CDK6: variants seen among roughly 807,000 people sequenced by gnomAD.
CDK6 encodes cyclin-dependent kinase 6.
Under a neutral mutation model 37.1 loss-of-function variants are expected in CDK6, and 6 were observed. That is an observed-to-expected ratio of 0.16 (90% CI 0.09 to 0.32). The LOEUF (loss-of-function observed/expected upper bound fraction) is 0.32. CDK6 is among the 10% of genes least tolerant of loss of function. The probability of loss-of-function intolerance (pLI) is 1.00; values close to 1 mark genes in which losing one functional copy is unlikely to be tolerated. For synonymous variants in CDK6, 160 were observed against 161.3 expected (o/e 0.99, Z 0.06); for missense variants, 224 against 418.9 (o/e 0.53, Z 4.06).
intron 4 of CDK6, among the ~76,000 whole-genome samples, chr7:92,709,895 T>C (rs1203237588): frequency 6.6e-6 from 1 of 152,194 alleles, no homozygotes; most frequent in African/African-American, 2.4e-5. Flanking sequence ...GCAATCATTC[T>C]TAGTCTAATC....
At chr7:92,696,895 C>T (rs892097026) in intron 4 of CDK6, among the ~76,000 whole-genome samples, 2 of 151,918 alleles carry the variant, frequency 1.3e-5, no homozygotes, top group Non-Finnish European at 2.9e-5. Flanking sequence ...AAAATTTAAC[C>T]GATTCGCAAA....
chr7:92,642,395 G>A (rs1385987496), intron 5 of CDK6, among the ~76,000 whole-genome samples: 1 of 152,132 alleles, frequency 6.6e-6, no homozygotes, highest in African/African-American at 2.4e-5. Context: ...ATTTGGCCAT[G>A]CCGCCCAGCC....
At chr7:92,681,736 C>G (rs920590732) in intron 4 of CDK6, among the ~76,000 whole-genome samples, 1 of 152,158 alleles carries the variant, frequency 6.6e-6, no homozygotes, top group African/African-American at 2.4e-5. Context: ...CTGCCTTTGT[C>G]TCTTTTAAAT....
intron 2 of CDK6, among the ~76,000 whole-genome samples, chr7:92,779,166 C>T (rs1799924893): frequency 6.6e-6 from 1 of 151,994 alleles, no homozygotes. Flanking sequence ...TAACATCTAA[C>T]CCACCCAAGT....
At chr7:92,737,560 G>A (rs1798817227) in intron 3 of CDK6, among the ~76,000 whole-genome samples, 1 of 152,016 alleles carries the variant, frequency 6.6e-6, no homozygotes, top group South Asian at 2.1e-4. Flanking sequence ...GATAATAACC[G>A]GATACTATAA....
Position 92,606,636 on chromosome 7 carries a change from GATT to G in CDK6, c.*8501_*8503del, listed in dbSNP as rs1477035069. 7.4e-6 allele frequency: 1 copy of G among 135,472 alleles called. No homozygotes were observed. The highest frequency in any genetic ancestry group is 7.4e-5 in the African/African-American group (1 of 13,574). The allele number at this position is 135,472 out of a possible 1,614,324, so 8.4% of individuals were successfully genotyped here. On this transcript the variant is annotated 3_prime_UTR_variant, in exon 8 of 8. Transcript: ENST00000424848. ...ACTAACAAGTCAAATTTCCAAATTA[GATT>G]TTTTTTTTTTACTTTCAAAACATTT...
intron 4 of CDK6, among the ~76,000 whole-genome samples, chr7:92,673,158 C>T (rs1041961641): frequency 2.0e-5 from 3 of 152,178 alleles, no homozygotes; most frequent in African/African-American, 4.8e-5. Flanking sequence ...TGAAAGCCTG[C>T]GAATGAGCCA....
At chr7:92,724,848 T>A (rs891376995) in intron 4 of CDK6, among the ~76,000 whole-genome samples, 1 of 152,104 alleles carries the variant, frequency 6.6e-6, no homozygotes, top group Non-Finnish European at 1.5e-5. Flanking sequence ...ATTTACTGTA[T>A]GCAAAACAGG....
intron 2 of CDK6, among the ~76,000 whole-genome samples, chr7:92,826,059 T>C (rs1027351936): frequency 6.6e-6 from 1 of 152,164 alleles, no homozygotes; most frequent in Non-Finnish European, 1.5e-5. Context: ...CACTCCTTAG[T>C]ATTAACATTA....
intron 5 of CDK6, among the ~76,000 whole-genome samples, chr7:92,658,581 TTC>T (rs3839839): frequency 0.24 from 34,711 of 145,842 alleles, 4,555 homozygotes; most frequent in Middle Eastern, 0.4. Flanking sequence ...CTCTCTCTCT[TTC>T]TCTCTCTCTC....
chr7:92,610,915 G>A lies in CDK6; in HGVS notation c.*4225C>T, dbSNP rs1206579378. 1 of 228,320 alleles carries A rather than the reference G, an allele frequency of 4.4e-6. No individual in the cohort carries two copies. The highest frequency in any genetic ancestry group is 8.7e-6 in the Non-Finnish European group (1 of 115,180). The allele number at this position is 228,320 out of a possible 1,614,324, so 14.1% of individuals were successfully genotyped here. ...TTCTTAGGCATGTGTAAGAAGTATT[G>A]CTTCATGTGGTTGCCTCTTCCCTTG... On this transcript the variant is annotated 3_prime_UTR_variant, in exon 8 of 8. Coordinates refer to ENST00000424848, the MANE Select transcript of CDK6 (RefSeq NM_001145306.2).
chr7:92,786,298 T>C (rs1049640152), intron 2 of CDK6, among the ~76,000 whole-genome samples: 9 of 152,162 alleles, frequency 5.9e-5, no homozygotes, highest in African/African-American at 2.2e-4. Context: ...CATAATCACA[T>C]CCTTAATAGG....
At chr7:92,634,810 C>T (rs1481521786) in intron 5 of CDK6, among the ~76,000 whole-genome samples, 1 of 152,136 alleles carries the variant, frequency 6.6e-6, no homozygotes, top group Non-Finnish European at 1.5e-5. Context: ...GGAGCTGCTG[C>T]TAACTCTGGA....
intron 4 of CDK6, among the ~76,000 whole-genome samples, chr7:92,677,769 G>A (rs1033857837): frequency 4.6e-5 from 7 of 152,132 alleles, no homozygotes; most frequent in African/African-American, 1.7e-4. Flanking sequence ...CTGAACCACA[G>A]TCTTTCAGTC....
At chr7:92,812,998 C>A (rs1800926018) in intron 2 of CDK6, among the ~76,000 whole-genome samples, 1 of 152,192 alleles carries the variant, frequency 6.6e-6, no homozygotes, top group Non-Finnish European at 1.5e-5. Flanking sequence ...TGACAAGGAG[C>A]AATTTTCTTC....
chr7:92,727,056 A>G (rs751136776), intron 3 of CDK6, among the ~76,000 whole-genome samples: 1 of 152,242 alleles, frequency 6.6e-6, no homozygotes, highest in African/African-American at 2.4e-5. Flanking sequence ...CAATACAAAT[A>G]TACACAAGAT....
intron 4 of CDK6, among the ~76,000 whole-genome samples, chr7:92,697,793 A>T (rs1301959003): frequency 1.3e-5 from 2 of 152,198 alleles, no homozygotes; most frequent in South Asian, 2.1e-4. Context: ...GTCACATATG[A>T]CTTCTATCAG....
Position 92,810,873 on chromosome 7 carries a change from C to A in CDK6, c.233+22218G>T, listed in dbSNP as rs3731279. ...GGATCACGAGGTCAAGAGATTGAGA[C>A]CATCCTAGCCAACATGGCGAAACCC... On this transcript the variant is annotated intron_variant, in intron 2 of 7. Transcript: ENST00000424848. 5.1e-3 allele frequency among the ~76,000 whole-genome samples: 783 copies of A among 152,160 alleles called. 4 individuals are homozygous for A. Among genetic ancestry groups the A allele is most frequent in the African/African-American group, 0.016 (664 of 41,510 alleles).
intron 5 of CDK6, among the ~76,000 whole-genome samples, chr7:92,647,091 G>A (rs1796469679): frequency 6.6e-6 from 1 of 152,186 alleles, no homozygotes; most frequent in Non-Finnish European, 1.5e-5. Context: ...GATGGGCTCT[G>A]ACCTACAGGC....
Sources: allele counts gnomAD v4.1 joint callset (sites outside exome capture counted in the v4.1 genomes callset), GRCh38; gene constraint gnomAD v4.1.1; transcripts MANE v1.5; gene names NCBI Gene and HGNC (gene_info 2026-07-23, HGNC 2026-07-21).